The following LRIT3 variants were observed in gnomAD, a reference collection of about 807,000 sequenced individuals.
LRIT3 encodes the protein leucine-rich repeat, immunoglobulin-like domain and transmembrane domain-containing protein 3.
A neutral mutation model predicts 22.6 loss-of-function variants in LRIT3; 14 were observed. The observed-to-expected ratio is 0.62, with a 90% CI of 0.41 to 0.97. LRIT3 has a LOEUF of 0.97. Ranked by LOEUF, LRIT3 falls within the 50% of genes least tolerant of loss-of-function variation. LRIT3 has a pLI of 0.00. For missense variants in LRIT3, 783 were observed against 803.0 expected (o/e 0.98, Z 0.30); for synonymous variants, 306 against 304.5 (o/e 1.01, Z -0.05).
chr4:109,860,016 T>G (rs1022822629), intron 2 of LRIT3, among the ~76,000 whole-genome samples: 2 of 152,222 alleles, frequency 1.3e-5, no homozygotes, highest in African/African-American at 4.8e-5. Flanking sequence ...CTTTATTGTA[T>G]CCATGAATAC....
At position 109,848,497 on chromosome 4, in the gene LRIT3, G is replaced by A. The variant is rs147470455; in HGVS notation, c.116+180G>A. 2.4e-4 allele frequency among the ~76,000 whole-genome samples: 37 copies of A among 152,126 alleles called. No homozygotes were observed. In the East Asian group the frequency reaches 3.3e-3, roughly 14 times the overall value. ...GGTCACCTACTCCTTCACTGTTTTC[G>A]TTTTGAGCAGTTTAACTCTCAAAGG... On this transcript the variant is annotated intron_variant, in intron 1 of 3. Transcript: ENST00000594814.
intron 2 of LRIT3, among the ~76,000 whole-genome samples, chr4:109,859,445 T>C (rs533983640): frequency 4.6e-5 from 7 of 152,306 alleles, no homozygotes; most frequent in African/African-American, 2.4e-5. Flanking sequence ...AAACACAGTC[T>C]TTTCATAACC....
At chr4:109,862,263 C>T (rs1277049485) in intron 2 of LRIT3, among the ~76,000 whole-genome samples, 1 of 152,146 alleles carries the variant, frequency 6.6e-6, no homozygotes, top group African/African-American at 2.4e-5. Flanking sequence ...TCACTTGTCC[C>T]ATCCAAGAAT....
At chr4:109,850,416 TTCCTTC>T (rs1342044625) in intron 1 of LRIT3, among the ~76,000 whole-genome samples, 81 of 22,406 alleles carry the variant, frequency 3.6e-3, no homozygotes, top group African/African-American at 0.019. Context: ...CCTTCCTTCC[TTCCTTC>T]CTTTCTTTCT....
Position 109,871,774 on chromosome 4 carries a change from G to A in LRIT3, c.*985G>A, listed in dbSNP as rs868117184. 3.9e-5 allele frequency: 6 copies of A among 152,184 alleles called. No homozygotes were observed. The highest frequency in any genetic ancestry group is 8.8e-5 in the Non-Finnish European group (6 of 68,026). The allele number at this position is 152,184 out of a possible 1,614,324, so 9.4% of individuals were successfully genotyped here. A position where few individuals can be genotyped will look rare whatever the true frequency, so the allele number is the denominator to read the frequency against. ...CAAAGGATATTTTAGGACTTTAAAAGGGAAGCTTCAGTGGATTCATTTGGT... is the reference window on the plus strand; with the variant it reads ...CAAAGGATATTTTAGGACTTTAAAAAGGAAGCTTCAGTGGATTCATTTGGT... On this transcript the variant is annotated 3_prime_UTR_variant, in exon 4 of 4. Transcript: ENST00000594814.
intron 2 of LRIT3, among the ~76,000 whole-genome samples, chr4:109,858,936 G>A (rs58710468): frequency 4.6e-5 from 7 of 152,250 alleles, no homozygotes; most frequent in South Asian, 2.1e-4. Context: ...TCCCATAACC[G>A]CAAAACATGA....
At chr4:109,852,901 C>G (rs1734308207) in intron 2 of LRIT3, among the ~76,000 whole-genome samples, 1 of 152,132 alleles carries the variant, frequency 6.6e-6, no homozygotes, top group Admixed American at 6.5e-5. Context: ...ATTCATGTCC[C>G]TGCAAAGGAC....
At position 109,851,965 on chromosome 4, in the gene LRIT3, G is replaced by T. The variant is rs1167505401; in HGVS notation, c.578G>T (p.Arg193Met). The T allele has an allele frequency of 4.0e-5, 61 of 1,542,184 alleles. No homozygotes were observed. The highest frequency in any genetic ancestry group is 5.2e-5 in the Non-Finnish European group (59 of 1,143,092). ...GGAGTCCTGGACCTTTCCCCAAGCA[G>T]GATTATTCTTGGTAAGCTCGCAAGC... ...PSGVLDLSPS[R>M]IILGLQDNPW... The change falls in exon 2 of 4, where the codon AGG becomes ATG. Residue 193 changes from arginine to methionine, a missense_variant. Arg to Met is a moderately conservative substitution (Grantham distance 91). Coordinates refer to ENST00000594814, the MANE Select transcript of LRIT3 (RefSeq NM_198506.5).
chr4:109,869,818 A>G lies in LRIT3; in HGVS notation c.1069A>G (p.Thr357Ala), dbSNP rs1579382870. Residue 357 changes from threonine (T) to alanine (A), a missense_variant, in exon 4 of 4, where the codon ACT (threonine) becomes GCT (alanine). Transcript: ENST00000594814. ...TACCACAACTCCAATACCACCAGAC[A>G]CTTCTGAAAGAACTGGAGATCATCC... The part of the protein sequence containing the change: ...GITTTPIPPD[T>A]SERTGDHPEW... The G allele has an allele frequency of 6.2e-7, 1 of 1,613,964 alleles. No individual in the cohort carries two copies. Among genetic ancestry groups the G allele is most frequent in the Non-Finnish European group, 8.5e-7 (1 of 1,179,850 alleles).
chr4:109,863,458 C>T (rs983563751), intron 2 of LRIT3, among the ~76,000 whole-genome samples: 6 of 152,288 alleles, frequency 3.9e-5, no homozygotes, highest in South Asian at 2.1e-4. Context: ...ATCCTTCAGA[C>T]GCTTAGTGCC....
intron 3 of LRIT3, 67 bp downstream of exon 3, chr4:109,868,013 G>C: frequency 6.8e-7 from 1 of 1,480,084 alleles, no homozygotes; most frequent in South Asian, 1.3e-5. Flanking sequence ...ATCATGTGTT[G>C]TGTGATTTGA....
Position 109,851,965 on chromosome 4 carries a change from G to A in LRIT3, c.578G>A (p.Arg193Lys). The change falls in exon 2 of 4, where the codon AGG (arginine) becomes AAG (lysine). Residue 193 changes from arginine to lysine, a missense_variant. Physicochemically the swap from Arg to Lys is conservative, Grantham distance 26 (BLOSUM62 2). Around this residue, in one of 2 missense-constraint regions of LRIT3, gnomAD observed 756 missense variants for 753.8 expected, o/e 1.00. Coordinates refer to ENST00000594814, the MANE Select transcript of LRIT3 (RefSeq NM_198506.5). ...GGAGTCCTGGACCTTTCCCCAAGCA[G>A]GATTATTCTTGGTAAGCTCGCAAGC... ...PSGVLDLSPS[R>K]IILGLQDNPW... is the part of the protein sequence containing the mutation. 6.5e-7 allele frequency: 1 copy of A among 1,542,302 alleles called. No individual in the cohort carries two copies. Among genetic ancestry groups the A allele is most frequent in the South Asian group, 1.2e-5 (1 of 82,606 alleles).
chr4:109,860,749 G>C (rs574778795), intron 2 of LRIT3, among the ~76,000 whole-genome samples: 8 of 152,134 alleles, frequency 5.3e-5, no homozygotes, highest in African/African-American at 1.9e-4. Context: ...ATCACTATAG[G>C]TTAATTGTGC....
chr4:109,862,560 AT>A (rs1291696922), intron 2 of LRIT3, among the ~76,000 whole-genome samples: 3 of 152,176 alleles, frequency 2.0e-5, no homozygotes, highest in Non-Finnish European at 2.9e-5. Context: ...AGTGAAATTA[AT>A]TTTTTAAAGA....
rs554171037 is a variant in LRIT3 at position 109,869,470 on chromosome 4, G to C, written c.896-175G>C. Reference sequence around the variant, plus strand: ...CAACACCTGGCAGGTCCTAGACCTTGATGTAAGCAGTTTGCAGAACTATCA... The same window carrying C: ...CAACACCTGGCAGGTCCTAGACCTTCATGTAAGCAGTTTGCAGAACTATCA... On this transcript the variant is annotated intron_variant, in intron 3 of 3. Coordinates refer to ENST00000594814, the MANE Select transcript of LRIT3 (RefSeq NM_198506.5). Among the ~76,000 whole-genome samples the C allele has an allele frequency of 5.9e-5, 9 of 152,300 alleles. No homozygotes were observed. In the South Asian group the frequency reaches 1.9e-3, roughly 32 times the overall value.
chr4:109,871,976 G>A lies in LRIT3; in HGVS notation c.*1187G>A, dbSNP rs774747805. ...ATAAGGCCCACTCAAGCATCTCACAGTGGTGATATTACATGTCACTTAGCA... is the reference window on the plus strand; with the variant it reads ...ATAAGGCCCACTCAAGCATCTCACAATGGTGATATTACATGTCACTTAGCA... On this transcript the variant is annotated 3_prime_UTR_variant, in exon 4 of 4. Transcript: ENST00000594814. The A allele has an allele frequency of 1.3e-5, 2 of 152,226 alleles. No homozygotes were observed. Among genetic ancestry groups the A allele is most frequent in the Non-Finnish European group, 2.9e-5 (2 of 68,044 alleles). The allele number at this position is 152,226 out of a possible 1,614,324, so 9.4% of individuals were successfully genotyped here.
chr4:109,865,889 A>C (rs1734666831), intron 2 of LRIT3, among the ~76,000 whole-genome samples: 1 of 152,224 alleles, frequency 6.6e-6, no homozygotes, highest in Non-Finnish European at 1.5e-5. Flanking sequence ...AGCAATATAA[A>C]ATAAACTAGA....
At chr4:109,848,754 G>A (rs151121980) in intron 1 of LRIT3, among the ~76,000 whole-genome samples, 45 of 152,242 alleles carry the variant, frequency 3.0e-4, no homozygotes, top group African/African-American at 9.6e-4. Context: ...CCAATTGAAT[G>A]GCAGAAAGAA....
At chr4:109,864,744 A>G (rs1579379701) in intron 2 of LRIT3, among the ~76,000 whole-genome samples, 1 of 152,226 alleles carries the variant, frequency 6.6e-6, no homozygotes, top group Admixed American at 6.5e-5. Flanking sequence ...GAAGAGGTTC[A>G]TGATTCCCCC....
Sources: allele counts gnomAD v4.1 joint callset (sites outside exome capture counted in the v4.1 genomes callset), GRCh38; gene constraint gnomAD v4.1.1; regional missense constraint gnomAD v4.1.1; transcripts MANE v1.5; gene names NCBI Gene and HGNC (gene_info 2026-07-23, HGNC 2026-07-21).